RAB28: variants seen among roughly 807,000 people sequenced by gnomAD.
RAB28 encodes ras-related protein Rab-28.
A neutral mutation model predicts 31.7 loss-of-function variants in RAB28; 24 were observed. That is an observed-to-expected ratio of 0.76 (90% CI 0.55 to 1.06). The LOEUF (loss-of-function observed/expected upper bound fraction) is 1.06, where lower values mean the gene tolerates loss of function less well. RAB28 is among the 50% of genes least tolerant of loss of function. RAB28 has a pLI of 0.00. For synonymous variants in RAB28, 100 were observed against 90.4 expected (o/e 1.11, Z -0.60); for missense variants, 254 against 258.5 (o/e 0.98, Z 0.12).
chr4:13,464,870 A>C (rs1715768568), intron 3 of RAB28, among the ~76,000 whole-genome samples: 1 of 152,124 alleles, frequency 6.6e-6, no homozygotes. Flanking sequence ...TAATTACTAG[A>C]CAGGCAATTT....
chr4:13,450,225 T>C (rs903551858), intron 4 of RAB28, among the ~76,000 whole-genome samples: 17 of 151,974 alleles, frequency 1.1e-4, no homozygotes, highest in African/African-American at 4.1e-4. Flanking sequence ...ATTTCTAACA[T>C]ATATGTAAAA....
intron 4 of RAB28, among the ~76,000 whole-genome samples, chr4:13,450,932 T>C (rs186765490): frequency 6.6e-6 from 1 of 151,960 alleles, no homozygotes; most frequent in East Asian, 1.9e-4. Flanking sequence ...GAAGATGAAG[T>C]CTGAGTAGTA....
chr4:13,451,312 G>A (rs1466452703), intron 4 of RAB28, among the ~76,000 whole-genome samples: 1 of 150,264 alleles, frequency 6.7e-6, no homozygotes, highest in East Asian at 1.9e-4. Flanking sequence ...TCATATACTT[G>A]TTGACCATTT....
At chr4:13,386,867 T>C (rs905322600) in intron 4 of RAB28, among the ~76,000 whole-genome samples, 30 of 152,082 alleles carry the variant, frequency 2.0e-4, no homozygotes, top group Admixed American at 3.3e-4. Context: ...CATTGACAGA[T>C]TGGATAAAGA....
At chr4:13,370,203 A>G in intron 6 of RAB28, 7 of 975,312 alleles carry the variant, frequency 7.2e-6, no homozygotes, top group Middle Eastern at 5.3e-4. Context: ...ATTCTTTGTA[A>G]TTCTATTTAA....
intron 4 of RAB28, among the ~76,000 whole-genome samples, chr4:13,386,621 A>C (rs1309239934): frequency 6.6e-6 from 1 of 152,198 alleles, no homozygotes; most frequent in African/African-American, 2.4e-5. Flanking sequence ...GATTGCAGAC[A>C]AAAGGGAATG....
chr4:13,405,874 T>C (rs919479161), intron 4 of RAB28, among the ~76,000 whole-genome samples: 10 of 152,190 alleles, frequency 6.6e-5, no homozygotes, highest in Non-Finnish European at 1.5e-4. Context: ...TTCTGATTCA[T>C]TTTCACCTTT....
intron 4 of RAB28, among the ~76,000 whole-genome samples, chr4:13,403,593 A>G (rs547653595): frequency 4.6e-5 from 7 of 152,240 alleles, no homozygotes; most frequent in African/African-American, 1.4e-4. Flanking sequence ...TTTATGGCAT[A>G]TTCCTGCATA....
At chr4:13,414,006 G>T (rs934394563) in intron 4 of RAB28, among the ~76,000 whole-genome samples, 1 of 152,130 alleles carries the variant, frequency 6.6e-6, no homozygotes, top group African/African-American at 2.4e-5. Flanking sequence ...TGACACATGG[G>T]TATATGGTCA....
chr4:13,443,856 C>T (rs1714546875), intron 4 of RAB28, among the ~76,000 whole-genome samples: 1 of 152,056 alleles, frequency 6.6e-6, no homozygotes, highest in South Asian at 2.1e-4. Context: ...GCTGGCCCAT[C>T]CCCTGACAAC....
chr4:13,442,053 A>G (rs996483476), intron 4 of RAB28, among the ~76,000 whole-genome samples: 1 of 152,220 alleles, frequency 6.6e-6, no homozygotes, highest in African/African-American at 2.4e-5. Flanking sequence ...CAAACTCACC[A>G]AAAAAGAACT....
chr4:13,415,494 C>G (rs112275246), intron 4 of RAB28, among the ~76,000 whole-genome samples: 1 of 152,130 alleles, frequency 6.6e-6, no homozygotes, highest in African/African-American at 2.4e-5. Context: ...TCAGAGCGCC[C>G]GGCCAGCCCT....
chr4:13,393,749 T>C (rs1033927449), intron 4 of RAB28, among the ~76,000 whole-genome samples: 3 of 151,666 alleles, frequency 2.0e-5, no homozygotes, highest in Admixed American at 6.6e-5. Context: ...TTTATACATA[T>C]TATATACATG....
intron 4 of RAB28, among the ~76,000 whole-genome samples, chr4:13,450,004 T>C (rs1352933344): frequency 2.0e-5 from 3 of 151,922 alleles, no homozygotes; most frequent in Admixed American, 2.0e-4. Context: ...TAAAATGCCA[T>C]GTGGTTATAA....
At chr4:13,378,383 G>A (rs532018433) in intron 5 of RAB28, among the ~76,000 whole-genome samples, 17 of 152,252 alleles carry the variant, frequency 1.1e-4, no homozygotes, top group Non-Finnish European at 2.2e-4. Flanking sequence ...CATTGATGAC[G>A]TGAATAATAG....
At chr4:13,430,113 AG>A in intron 4 of RAB28, among the ~76,000 whole-genome samples, 1 of 152,322 alleles carries the variant, frequency 6.6e-6, no homozygotes, top group Admixed American at 6.5e-5. Flanking sequence ...AATAATGCTA[AG>A]AAAATAGGAT....
At chr4:13,459,345 T>A (rs548185732) in intron 4 of RAB28, among the ~76,000 whole-genome samples, 1 of 152,200 alleles carries the variant, frequency 6.6e-6, no homozygotes, top group South Asian at 2.1e-4. Flanking sequence ...TTCTCCTTAA[T>A]AAACTCCCTT....
intron 4 of RAB28, among the ~76,000 whole-genome samples, chr4:13,429,198 C>T (rs1320383073): frequency 6.6e-6 from 1 of 152,110 alleles, no homozygotes; most frequent in African/African-American, 2.4e-5. Flanking sequence ...CCACCCGCCT[C>T]AGCCTCCCAA....
chr4:13,477,749 A>AT (rs1228216598), intron 2 of RAB28, among the ~76,000 whole-genome samples: 2 of 151,382 alleles, frequency 1.3e-5, no homozygotes, highest in African/African-American at 2.4e-5. Context: ...CCCTAATGTC[A>AT]TTTTTTAACC....
Sources: allele counts gnomAD v4.1 joint callset (sites outside exome capture counted in the v4.1 genomes callset), GRCh38; gene constraint gnomAD v4.1.1; transcripts MANE v1.5; gene names NCBI Gene and HGNC (gene_info 2026-07-23, HGNC 2026-07-21).